The following RBPJ variants were observed in gnomAD, a reference collection of about 807,000 sequenced individuals.
RBPJ encodes recombining binding protein suppressor of hairless.
Under a neutral mutation model 67.8 loss-of-function variants are expected in RBPJ, and 9 were observed. The observed-to-expected ratio is 0.13, with a 90% CI of 0.08 to 0.23. The LOEUF is 0.23. Among genes scored for constraint, RBPJ ranks in the 10% least tolerant of loss-of-function variants. RBPJ has a pLI of 1.00. For synonymous variants in RBPJ, 198 were observed against 203.3 expected (o/e 0.97, Z 0.22); for missense variants, 305 against 595.6 (o/e 0.51, Z 5.08).
At chr4:26,400,726 A>G (rs1732689718) in intron 2 of RBPJ, among the ~76,000 whole-genome samples, 1 of 152,192 alleles carries the variant, frequency 6.6e-6, no homozygotes, top group African/African-American at 2.4e-5. Flanking sequence ...TTGAGGCTCT[A>G]GTTACTTTTT....
intron 2 of RBPJ, among the ~76,000 whole-genome samples, chr4:26,401,395 C>T (rs534937684): frequency 6.6e-6 from 1 of 152,174 alleles, no homozygotes; most frequent in African/African-American, 2.4e-5. Context: ...TAACCTCTAC[C>T]CAGTTTCTAA....
chr4:26,348,735 A>T (rs1726453790), intron 1 of RBPJ, among the ~76,000 whole-genome samples: 1 of 151,938 alleles, frequency 6.6e-6, no homozygotes, highest in Admixed American at 6.6e-5. Flanking sequence ...ACAAGGTCTC[A>T]CTTTATCACT....
chr4:26,304,882 G>T (rs1722185456), intron 1 of RBPJ, among the ~76,000 whole-genome samples: 1 of 149,068 alleles, frequency 6.7e-6, no homozygotes, highest in Non-Finnish European at 1.5e-5. Context: ...TTAATTTGTT[G>T]CTTGGGTTTT....
chr4:26,243,176 G>A (rs1215099885), intron 1 of RBPJ, among the ~76,000 whole-genome samples: 1 of 152,096 alleles, frequency 6.6e-6, no homozygotes, highest in Non-Finnish European at 1.5e-5. Context: ...GCAGTGAGCT[G>A]AGATCACGCC....
intron 1 of RBPJ, among the ~76,000 whole-genome samples, chr4:26,292,769 T>C (rs1721714301): frequency 6.7e-6 from 1 of 150,108 alleles, no homozygotes; most frequent in African/African-American, 2.5e-5. Context: ...TAAAAAACTG[T>C]GGTGTGTGTG....
At chr4:26,382,706 AT>A (rs1268886865) in intron 1 of RBPJ, among the ~76,000 whole-genome samples, 1 of 151,980 alleles carries the variant, frequency 6.6e-6, no homozygotes, top group Non-Finnish European at 1.5e-5. Flanking sequence ...ACACCCAGCT[AT>A]TTTTTGTATT....
At chr4:26,113,540 G>T in the RBPJ span, 1 of 511,234 alleles carries the variant, frequency 2.0e-6, no homozygotes, top group South Asian at 1.7e-5. Flanking sequence ...AAAGCTCACT[G>T]AACATCAGAG....
intron 1 of RBPJ, among the ~76,000 whole-genome samples, chr4:26,279,325 C>T (rs779270332): frequency 8.5e-5 from 13 of 152,226 alleles, no homozygotes; most frequent in Non-Finnish European, 1.5e-4. Flanking sequence ...TCTGTCACCA[C>T]GCTGGAGTGC....
chr4:26,227,688 C>G (rs1719123927), intron 1 of RBPJ, among the ~76,000 whole-genome samples: 1 of 152,212 alleles, frequency 6.6e-6, no homozygotes, highest in South Asian at 2.1e-4. Flanking sequence ...ATATATCCAC[C>G]TCCTTTGGAG....
upstream of RBPJ, chr4:26,320,998 G>A (rs764009737): frequency 1.2e-6 from 2 of 1,613,816 alleles, no homozygotes; most frequent in Non-Finnish European, 1.7e-6. Context: ...AATCTCGCGA[G>A]GGTTGGAGTT....
At chr4:26,168,921 T>A (rs1716432330) in intron 1 of RBPJ, among the ~76,000 whole-genome samples, 1 of 152,228 alleles carries the variant, frequency 6.6e-6, no homozygotes, top group East Asian at 1.9e-4. Flanking sequence ...TTCAGCTCCA[T>A]CAGCTCCTTT....
intron 1 of RBPJ, among the ~76,000 whole-genome samples, chr4:26,372,765 T>G (rs897308507): frequency 1.3e-5 from 2 of 152,158 alleles, no homozygotes; most frequent in African/African-American, 2.4e-5. Flanking sequence ...GTCAGATGTT[T>G]GTAGAAGCAT....
chr4:26,289,565 C>T (rs2109285503), intron 1 of RBPJ, among the ~76,000 whole-genome samples: 1 of 150,480 alleles, frequency 6.6e-6, no homozygotes, highest in East Asian at 2.0e-4. Flanking sequence ...AGCATGCATG[C>T]TATCATTGCC....
chr4:26,205,376 T>G (rs1007846862), intron 1 of RBPJ, among the ~76,000 whole-genome samples: 3 of 152,152 alleles, frequency 2.0e-5, no homozygotes, highest in African/African-American at 7.2e-5. Context: ...CAGCTGCAAT[T>G]CTGGAGTCAG....
chr4:26,422,125 TGGTTAGACATAAA>T (rs1364169941), intron 5 of RBPJ, among the ~76,000 whole-genome samples: 1 of 152,144 alleles, frequency 6.6e-6, no homozygotes, highest in African/African-American at 2.4e-5. Flanking sequence ...CATGAACTGG[TGGTTAGACATAAA>T]GACTTTCAGA....
rs1421277794 is a variant in RBPJ, at chr4:26,431,864, A to T, written c.*857A>T. ...AAAAAAATATGGACTTATTGTGGTT[A>T]TCTGAGAGGTTCTAACATTCACATG... On this transcript the variant is annotated 3_prime_UTR_variant, in exon 11 of 11. Transcript: ENST00000355476. 1 of 152,084 alleles carries T rather than the reference A, an allele frequency of 6.6e-6. No homozygotes were observed. The highest frequency in any genetic ancestry group is 6.5e-5 in the Admixed American group (1 of 15,268). 9.4% of individuals were successfully genotyped at this position (152,084 alleles called of 1,614,324 possible).
chr4:26,374,297 C>G (rs1382275898), intron 1 of RBPJ, among the ~76,000 whole-genome samples: 1 of 152,040 alleles, frequency 6.6e-6, no homozygotes, highest in African/African-American at 2.4e-5. Context: ...AAAATTTACT[C>G]TTTACCCTTG....
At chr4:26,111,205 C>G in the RBPJ span, among the ~76,000 whole-genome samples, 1 of 152,050 alleles carries the variant, frequency 6.6e-6, no homozygotes, top group African/African-American at 2.4e-5. Context: ...GCCCAGCCCC[C>G]CTCCTTCAAA....
At chr4:26,402,911 C>G (rs1732992378) in intron 2 of RBPJ, among the ~76,000 whole-genome samples, 1 of 152,146 alleles carries the variant, frequency 6.6e-6, no homozygotes, top group Non-Finnish European at 1.5e-5. Flanking sequence ...CTTTTGTCAG[C>G]AGAACCTAGT....
Sources: gnomAD v4.1 joint callset for allele counts (sites outside exome capture counted in the v4.1 genomes callset) on GRCh38, gnomAD v4.1.1 for gene constraint, MANE v1.5 for transcripts, NCBI Gene and HGNC (gene_info 2026-07-23, HGNC 2026-07-21) for gene names.